Variants in ANO10 observed in about 807,000 individuals in gnomAD.
The protein encoded by ANO10 is anoctamin-10.
Under a neutral mutation model 74.7 loss-of-function variants are expected in ANO10, and 77 were observed. The observed-to-expected ratio is 1.03, with a 90% CI of 0.86 to 1.25. ANO10 has a LOEUF of 1.25. Among genes scored for constraint, ANO10 ranks in the 50% most tolerant of loss-of-function variants. ANO10 has a pLI of 0.00. For synonymous variants in ANO10, 279 were observed against 284.9 expected (o/e 0.98, Z 0.21); for missense variants, 721 against 778.1 (o/e 0.93, Z 0.87).
chr3:43,448,873 C>CTTTCTT (rs1553667350), intron 11 of ANO10, among the ~76,000 whole-genome samples: 1 of 134,282 alleles, frequency 7.4e-6, no homozygotes, highest in African/African-American at 2.8e-5. Context: ...TTCTTTCTTT[C>CTTTCTT]TTTTTTTTTT....
At chr3:43,410,938 C>T (rs751130491) in intron 12 of ANO10, among the ~76,000 whole-genome samples, 3 of 151,766 alleles carry the variant, frequency 2.0e-5, no homozygotes, top group Admixed American at 6.6e-5. Flanking sequence ...CCTGAATAAA[C>T]GACTGCAGTT....
intron 12 of ANO10, among the ~76,000 whole-genome samples, chr3:43,381,132 C>T (rs571681974): frequency 2.0e-5 from 3 of 152,122 alleles, no homozygotes; most frequent in Non-Finnish European, 2.9e-5. Flanking sequence ...TAAAACAGCT[C>T]CCACTGGGCC....
intron 11 of ANO10, among the ~76,000 whole-genome samples, chr3:43,457,215 C>A (rs988517596): frequency 6.6e-6 from 1 of 152,212 alleles, no homozygotes; most frequent in African/African-American, 2.4e-5. Context: ...TGCCTCTTAG[C>A]AGATTGCTAA....
intron 12 of ANO10, among the ~76,000 whole-genome samples, chr3:43,392,727 C>T (rs572393314): frequency 6.6e-6 from 1 of 152,296 alleles, no homozygotes; most frequent in South Asian, 2.1e-4. Context: ...TTCTCCACTC[C>T]TCATCCCTGC....
chr3:43,644,281 C>T (rs2083704656), intron 1 of ANO10, among the ~76,000 whole-genome samples: 1 of 152,084 alleles, frequency 6.6e-6, no homozygotes, highest in African/African-American at 2.4e-5. Flanking sequence ...TCTATTTGTC[C>T]CAACACTATG....
intron 1 of ANO10, chr3:43,689,985 T>C (rs2084331724): frequency 6.6e-6 from 1 of 152,174 alleles, no homozygotes; most frequent in African/African-American, 2.4e-5. Flanking sequence ...GCTAAAAGGC[T>C]TGAAAACAGG....
At chr3:43,620,280 AAG>A (rs1443126357) in intron 1 of ANO10, among the ~76,000 whole-genome samples, 5 of 152,232 alleles carry the variant, frequency 3.3e-5, no homozygotes, top group Non-Finnish European at 7.3e-5. Flanking sequence ...GAGAAAATGT[AAG>A]GTGGAAAGAA....
intron 4 of ANO10, among the ~76,000 whole-genome samples, chr3:43,589,002 T>A (rs1029947105): frequency 7.2e-5 from 11 of 152,140 alleles, no homozygotes; most frequent in African/African-American, 2.7e-4. Context: ...TAACAATGTA[T>A]ACGTAATATA....
chr3:43,648,130 G>A lies in ANO10; in HGVS notation c.-11-42267C>T, dbSNP rs558418686. 2.6e-5 allele frequency among the ~76,000 whole-genome samples: 4 copies of A among 152,202 alleles called. No individual in the cohort carries two copies. The South Asian group carries it at 8.3e-4, about 32-fold the overall frequency. On this transcript the variant is annotated intron_variant, in intron 1 of 3. Transcript: ENST00000413397. Reference sequence around the variant, plus strand: ...TCTCACCCTCCTCTGGGCTCCTCACGTATAAAGTTTTATACTTTATTCACA... The same window carrying A: ...TCTCACCCTCCTCTGGGCTCCTCACATATAAAGTTTTATACTTTATTCACA...
At chr3:43,484,807 TG>T (rs1296314670) in intron 11 of ANO10, among the ~76,000 whole-genome samples, 1 of 152,084 alleles carries the variant, frequency 6.6e-6, no homozygotes, top group East Asian at 1.9e-4. Context: ...ATTCAGTTGG[TG>T]GGGGGACTTA....
intron 11 of ANO10, among the ~76,000 whole-genome samples, chr3:43,436,352 G>GTCTAT (rs2093067338): frequency 2.0e-5 from 3 of 152,092 alleles, no homozygotes; most frequent in African/African-American, 7.2e-5. Context: ...ACAGAGGGGT[G>GTCTAT]GAAGGAGCCT....
intron 12 of ANO10, among the ~76,000 whole-genome samples, chr3:43,427,173 C>T (rs1328896431): frequency 6.6e-6 from 1 of 152,040 alleles, no homozygotes; most frequent in African/African-American, 2.4e-5. Flanking sequence ...AACTGAGGTG[C>T]GAAGAGGCCA....
At chr3:43,484,988 G>C in intron 11 of ANO10, 1 of 1,435,456 alleles carries the variant, frequency 7.0e-7, no homozygotes, top group South Asian at 1.2e-5. Context: ...GAAGGTGTTG[G>C]GCCTCTTGGT....
At chr3:43,415,448 T>C (rs2092723713) in intron 12 of ANO10, among the ~76,000 whole-genome samples, 1 of 152,196 alleles carries the variant, frequency 6.6e-6, no homozygotes, top group South Asian at 2.1e-4. Context: ...GGATTTTGAT[T>C]ATGTCCTCAG....
chr3:43,395,653 T>C (rs761011887), intron 12 of ANO10, among the ~76,000 whole-genome samples: 3 of 152,188 alleles, frequency 2.0e-5, no homozygotes, highest in African/African-American at 7.2e-5. Context: ...TTCCCCCCTG[T>C]ATAATAAGCT....
intron 11 of ANO10, among the ~76,000 whole-genome samples, chr3:43,489,499 G>A (rs959887403): frequency 5.9e-5 from 9 of 151,910 alleles, no homozygotes; most frequent in Non-Finnish European, 8.8e-5. Context: ...CTATTAATCT[G>A]CCTTTTGCAA....
At chr3:43,593,347 G>C (rs966617943) in intron 4 of ANO10, among the ~76,000 whole-genome samples, 3 of 152,152 alleles carry the variant, frequency 2.0e-5, no homozygotes, top group African/African-American at 7.2e-5. Context: ...AAATGTTAAG[G>C]GTAGACAGAG....
intron 11 of ANO10, among the ~76,000 whole-genome samples, chr3:43,467,166 A>T (rs2075662274): frequency 6.6e-6 from 1 of 152,222 alleles, no homozygotes; most frequent in Non-Finnish European, 1.5e-5. Context: ...AAATGTTAAA[A>T]CCACTCTATA....
chr3:43,399,764 A>C (rs1010383673), intron 12 of ANO10, among the ~76,000 whole-genome samples: 3 of 152,180 alleles, frequency 2.0e-5, no homozygotes, highest in African/African-American at 7.2e-5. Flanking sequence ...ACATCAGAAG[A>C]GCCCCCAGGG....
Sources: allele counts gnomAD v4.1 joint callset (sites outside exome capture counted in the v4.1 genomes callset), GRCh38; gene constraint gnomAD v4.1.1; transcripts MANE v1.5; gene names NCBI Gene and HGNC (gene_info 2026-07-23, HGNC 2026-07-21).